SPATA20: variants seen among roughly 807,000 people sequenced by gnomAD.
SPATA20 encodes the protein spermatogenesis-associated protein 20.
A neutral mutation model predicts 98.9 loss-of-function variants in SPATA20; 74 were observed. That is an observed-to-expected ratio of 0.75 (90% CI 0.62 to 0.91). The LOEUF (loss-of-function observed/expected upper bound fraction) is 0.91. Among genes scored for constraint, SPATA20 ranks in the 40% least tolerant of loss-of-function variants. The pLI is 0.00. For synonymous variants in SPATA20, 430 were observed against 440.5 expected (o/e 0.98, Z 0.30); for missense variants, 1,016 against 1,069.8 (o/e 0.95, Z 0.70).
At position 50,550,061 on chromosome 17, in the gene SPATA20, C is replaced by T; in HGVS notation, c.939C>T (p.Ala313=). 6.2e-7 allele frequency: 1 copy of T among 1,610,244 alleles called. No individual in the cohort carries two copies. The highest frequency in any genetic ancestry group is 8.5e-7 in the Non-Finnish European group (1 of 1,177,488). The change falls in exon 8 of 17, where the codon GCC becomes GCT. Residue 313 remains alanine (A), a synonymous_variant. Transcript: ENST00000006658. ...ATGGCTCTCGGGCCCAGCAGATGGC[C>T]TTGCATACCCTGAAAATGATGGCTA... ...TQDGSRAQQM[A]LHTLKMMANG...
In SPATA20 at chr17:50,554,335, G is replaced by A; in HGVS notation, c.2042G>A (p.Trp681Ter). ...RLHGFTGHKDWMDKCVCLLTA... is the reference protein window; with the variant it reads ...RLHGFTGHKD ...CATGGCTTCACGGGCCACAAGGACTGGATGGACAAGTGTGTGTGCCTATTG... is the reference window on the plus strand; with the variant it reads ...CATGGCTTCACGGGCCACAAGGACTAGATGGACAAGTGTGTGTGCCTATTG... The change falls in exon 15 of 17, where the codon TGG (tryptophan) becomes TAG (stop). Residue 681 changes from tryptophan (W) to a stop codon, truncating the protein, a stop_gained. Coordinates refer to ENST00000006658, the MANE Select transcript of SPATA20 (RefSeq NM_022827.4). LOFTEE classifies it high-confidence loss of function. 1 of 1,614,218 alleles carries A rather than the reference G, an allele frequency of 6.2e-7. No homozygotes were observed. Among genetic ancestry groups the A allele is most frequent in the Non-Finnish European group, 8.5e-7 (1 of 1,180,050 alleles).
chr17:50,548,459 C>T lies in SPATA20; in HGVS notation c.296+6C>T. 6.2e-7 allele frequency: 1 copy of T among 1,613,824 alleles called. No individual in the cohort carries two copies. The highest frequency in any genetic ancestry group is 8.5e-7 in the Non-Finnish European group (1 of 1,179,872). On this transcript the variant is annotated splice_donor_region_variant and intron_variant, in intron 3 of 16. Transcript: ENST00000006658. ...GCCTACAATCCTGTGGACTGGTGAG[C>T]ACCTCTCCTGGGGCCCTGCCTGGAA...
intron 12 of SPATA20, 70 bp from the exon 13 acceptor site, chr17:50,551,441 G>A (rs577436126): frequency 2.8e-4 from 423 of 1,511,354 alleles, no homozygotes; most frequent in Middle Eastern, 1.4e-3. Flanking sequence ...TGGGGCCTAA[G>A]GTGATAGGGT....
At position 50,550,517 on chromosome 17, in the gene SPATA20, C is replaced by T. The variant is rs148201021; in HGVS notation, c.1099-19C>T. 2.9e-4 allele frequency: 465 copies of T among 1,612,288 alleles called. 4 individuals are homozygous for T. In the East Asian group the frequency reaches 8.9e-3, roughly 31 times the overall value. ...CCAGTGACCTCTCTGTTCACAGTCTCCTTTCTTCCCTTTCTTAGCTCTCTG... is the reference window on the plus strand; with the variant it reads ...CCAGTGACCTCTCTGTTCACAGTCTTCTTTCTTCCCTTTCTTAGCTCTCTG... On this transcript the variant is annotated intron_variant, in intron 9 of 16. Coordinates refer to ENST00000006658, the MANE Select transcript of SPATA20 (RefSeq NM_022827.4).
chr17:50,548,119 AG>A, intron 2 of SPATA20, 163 bp from the exon 3 acceptor site: 1 of 1,502,838 alleles, frequency 6.7e-7, no homozygotes. Context: ...AAAAAACATA[AG>A]GGGGAGCACA....
At position 50,555,712 on chromosome 17, in the gene SPATA20, C is replaced by G; in HGVS notation, c.*50C>G. On this transcript the variant is annotated 3_prime_UTR_variant, in exon 17 of 17. Transcript: ENST00000006658. ...GCAGAAGGTGAAGCATCCCAACTGA[C>G]TAGAGACTCAGGCCCTGCAGGGCCC... 2 of 1,548,740 alleles carry G rather than the reference C, an allele frequency of 1.3e-6. No homozygotes were observed. The highest frequency in any genetic ancestry group is 1.8e-6 in the Non-Finnish European group (2 of 1,138,234).
At chr17:50,553,762 G>A (rs536053078) in intron 14 of SPATA20, among the ~76,000 whole-genome samples, 2 of 152,256 alleles carry the variant, frequency 1.3e-5, no homozygotes, top group East Asian at 3.9e-4. Context: ...AGAAGTGGGG[G>A]TGGGGGAAAC....
chr17:50,550,636 C>A lies in SPATA20; in HGVS notation c.1173+26C>A, dbSNP rs1485663115. 5 of 1,613,530 alleles carry A rather than the reference C, an allele frequency of 3.1e-6. No individual in the cohort carries two copies. In the African/African-American group the frequency reaches 6.7e-5, roughly 22 times the overall value. ...GTGTGTGTCCATGGTGGCAGGCAGG[C>A]CTGGCTGTGGGAGGGGTTGGGGCCT... On this transcript the variant is annotated intron_variant, in intron 10 of 16. Coordinates refer to ENST00000006658, the MANE Select transcript of SPATA20 (RefSeq NM_022827.4).
At chr17:50,553,002 C>T (rs2035039950) in intron 14 of SPATA20, among the ~76,000 whole-genome samples, 1 of 152,188 alleles carries the variant, frequency 6.6e-6, no homozygotes, top group African/African-American at 2.4e-5. Flanking sequence ...GGTCTCTGCC[C>T]TCATGAAGCT....
intron 2 of SPATA20, 27 bp from the exon 3 acceptor site, chr17:50,548,256 C>G: frequency 1.9e-6 from 3 of 1,608,936 alleles, no homozygotes; most frequent in Non-Finnish European, 2.5e-6. Flanking sequence ...AGGCCCCTGG[C>G]TTGCCTGATG....
intron 12 of SPATA20, 150 bp from the exon 13 acceptor site, chr17:50,551,361 C>G (rs1302896230): frequency 1.7e-6 from 2 of 1,204,586 alleles, no homozygotes; most frequent in African/African-American, 1.5e-5. Context: ...CGCGCAAGGG[C>G]TGGGAACCCC....
rs762298860 is a variant in SPATA20 at position 50,550,787 on chromosome 17, T to A, written c.1253T>A (p.Val418Glu). ...CGGCCCAAAGAGGGCGCCTACTATG[T>A]GTGGACGGTCAAAGAGGTTCAGCAG... ...GQRPKEGAYYVWTVKEVQQLL... is the reference protein window; with the variant it reads ...GQRPKEGAYYEWTVKEVQQLL... The change falls in exon 11 of 17, where the codon GTG (valine) becomes GAG (glutamate). Residue 418 changes from valine (V) to glutamate (E), a missense_variant. By Grantham distance (121) the Val-to-Glu change is moderately radical. Transcript: ENST00000006658. 1.9e-5 allele frequency: 30 copies of A among 1,613,064 alleles called. No homozygotes were observed. Among genetic ancestry groups the A allele is most frequent in the Non-Finnish European group, 2.5e-5 (30 of 1,180,028 alleles).
chr17:50,551,486 C>A (rs1350111549), intron 12 of SPATA20, 25 bp from the exon 13 acceptor site: 1 of 1,583,270 alleles, frequency 6.3e-7, no homozygotes, highest in Non-Finnish European at 8.6e-7. Flanking sequence ...AGCTTCTTAC[C>A]ACTACTTGTC....
chr17:50,547,945 CG>C, intron 2 of SPATA20, 178 bp downstream of exon 2: 1 of 1,505,572 alleles, frequency 6.6e-7, no homozygotes, highest in Non-Finnish European at 8.9e-7. Flanking sequence ...CAGGAAGGGC[CG>C]GGGGAGGGGC....
In SPATA20 at chr17:50,551,192, TG is replaced by T. The variant is rs1324618141; in HGVS notation, c.1576+6del. The T allele has an allele frequency of 6.2e-7, 1 of 1,607,332 alleles. No individual in the cohort carries two copies. On this transcript the variant is annotated splice_donor_region_variant and intron_variant, in intron 12 of 16. Coordinates refer to ENST00000006658, the MANE Select transcript of SPATA20 (RefSeq NM_022827.4). ...GCAAGATGCTGGCTGCCTGGAATGG[TG>T]GGGCAGCACACCTGAGACCGAGCCT...
chr17:50,553,557 G>A (rs1358690785), intron 14 of SPATA20, among the ~76,000 whole-genome samples: 3 of 86,464 alleles, frequency 3.5e-5, no homozygotes, highest in African/African-American at 1.8e-4. Flanking sequence ...CACGGAAGCC[G>A]TCTTTTTTTT....
chr17:50,553,575 T>C (rs1289408697), intron 14 of SPATA20, among the ~76,000 whole-genome samples: 8 of 137,876 alleles, frequency 5.8e-5, no homozygotes, highest in South Asian at 2.2e-4. Context: ...TTTTTTTTTT[T>C]CCTAAGAAAA....
In SPATA20 at chr17:50,548,460, A is replaced by C. The variant is rs772809960; in HGVS notation, c.296+7A>C. 6.4e-5 allele frequency: 103 copies of C among 1,613,468 alleles called. No individual in the cohort carries two copies. Among genetic ancestry groups the C allele is most frequent in the Non-Finnish European group, 8.3e-5 (98 of 1,179,820 alleles). On this transcript the variant is annotated splice_region_variant and intron_variant, in intron 3 of 16. Coordinates refer to ENST00000006658, the MANE Select transcript of SPATA20 (RefSeq NM_022827.4). Reference sequence around the variant, plus strand: ...CCTACAATCCTGTGGACTGGTGAGCACCTCTCCTGGGGCCCTGCCTGGAAT... The same window carrying C: ...CCTACAATCCTGTGGACTGGTGAGCCCCTCTCCTGGGGCCCTGCCTGGAAT...
chr17:50,554,496 G>T (rs873839), intron 15 of SPATA20, 46 bp downstream of exon 15: 1 of 1,588,374 alleles, frequency 6.3e-7, no homozygotes, highest in East Asian at 2.2e-5. Context: ...TAGGAGGGAA[G>T]TTGGGGCTGC....
Sources: gnomAD v4.1 joint callset for allele counts (sites outside exome capture counted in the v4.1 genomes callset) on GRCh38, gnomAD v4.1.1 for gene constraint, MANE v1.5 for transcripts, NCBI Gene and HGNC (gene_info 2026-07-23, HGNC 2026-07-21) for gene names.